The following PPM1B variants were observed in gnomAD, a reference collection of about 807,000 sequenced individuals.
PPM1B encodes the protein protein phosphatase 1B.
A neutral mutation model predicts 43.0 loss-of-function variants in PPM1B; 22 were observed. The observed-to-expected ratio is 0.51, with a 90% CI of 0.37 to 0.73. The LOEUF (loss-of-function observed/expected upper bound fraction) is 0.73, where lower values mean the gene tolerates loss of function less well. Ranked by LOEUF, PPM1B falls within the 30% of genes least tolerant of loss-of-function variation. The pLI, the probability that PPM1B is intolerant of heterozygous loss-of-function variation, is 0.00. For missense variants in PPM1B, 632 were observed against 584.2 expected, an observed-to-expected ratio of 1.08 and a Z score of -0.84; for synonymous variants, 217 against 197.9, an observed-to-expected ratio of 1.10 and a Z score of -0.81.
intron 5 of PPM1B, chr2:44,218,884 G>C (rs769121045): frequency 2.2e-6 from 1 of 464,956 alleles, no homozygotes; most frequent in Non-Finnish European, 4.3e-6. Flanking sequence ...TTCTCCTCCA[G>C]CAGGCTGCTG....
chr2:44,209,381 C>T (rs1215866784), intron 3 of PPM1B, 54 bp downstream of exon 3: 3 of 1,578,058 alleles, frequency 1.9e-6, no homozygotes, highest in Non-Finnish European at 8.6e-7. Context: ...TAGCTCATGC[C>T]TGTAATCCTA....
intron 1 of PPM1B, among the ~76,000 whole-genome samples, chr2:44,188,258 A>G (rs1418588934): frequency 6.6e-6 from 1 of 152,334 alleles, no homozygotes; most frequent in Admixed American, 6.5e-5. Context: ...TATGGAAGCC[A>G]GATGAAGTAT....
chr2:44,227,925 T>TC (rs1279150663), intron 5 of PPM1B, among the ~76,000 whole-genome samples: 58 of 142,334 alleles, frequency 4.1e-4, no homozygotes, highest in Non-Finnish European at 7.7e-4. Context: ...TTCTTTTCTT[T>TC]TTTTTTTTTT....
intron 3 of PPM1B, among the ~76,000 whole-genome samples, chr2:44,209,634 G>T (rs538069893): frequency 6.6e-6 from 1 of 151,960 alleles, no homozygotes; most frequent in Non-Finnish European, 1.5e-5. Flanking sequence ...AAAATTAGCC[G>T]GGCATGGTGG....
At chr2:44,196,670 A>G (rs753158021) in intron 1 of PPM1B, among the ~76,000 whole-genome samples, 1 of 152,150 alleles carries the variant, frequency 6.6e-6, no homozygotes, top group Non-Finnish European at 1.5e-5. Context: ...ATCCCCATTC[A>G]TTTACGTATT....
intron 2 of PPM1B, among the ~76,000 whole-genome samples, chr2:44,205,344 TGTGG>T (rs1462938457): frequency 1.7e-4 from 25 of 146,642 alleles, no homozygotes; most frequent in Admixed American, 6.7e-4. Context: ...TGGGTGTGGG[TGTGG>T]GTGTGGGTGT....
chr2:44,171,319 A>T (rs1667331646), intron 1 of PPM1B, among the ~76,000 whole-genome samples: 1 of 152,246 alleles, frequency 6.6e-6, no homozygotes, highest in South Asian at 2.1e-4. Flanking sequence ...CATCTGAAGG[A>T]ATAGTGTAGT....
chr2:44,177,325 T>C (rs1667626002), intron 1 of PPM1B, among the ~76,000 whole-genome samples: 1 of 152,130 alleles, frequency 6.6e-6, no homozygotes, highest in South Asian at 2.1e-4. Context: ...ATTAAGTCTT[T>C]GGTGGTTGCT....
chr2:44,221,187 C>T (rs1023577960), intron 5 of PPM1B, among the ~76,000 whole-genome samples: 3 of 152,192 alleles, frequency 2.0e-5, no homozygotes, highest in Non-Finnish European at 4.4e-5. Flanking sequence ...TAACTGTAGA[C>T]TTATTATCAT....
At chr2:44,190,361 G>C (rs1217108264) in intron 1 of PPM1B, among the ~76,000 whole-genome samples, 1 of 152,038 alleles carries the variant, frequency 6.6e-6, no homozygotes, top group African/African-American at 2.4e-5. Context: ...GTTTCACCAT[G>C]TTGGCCAGGC....
Position 44,182,072 on chromosome 2 carries a change from A to G in PPM1B, c.-15+12798A>G, listed in dbSNP as rs959222836. On this transcript the variant is annotated intron_variant, in intron 1 of 5. Coordinates refer to ENST00000282412, the MANE Select transcript of PPM1B (RefSeq NM_002706.6). ...TGCCACAAAGTACCTTATTTTGAGAAGCTTCTTCTTACGACTGATAGTTGG... is the reference window on the plus strand; with the variant it reads ...TGCCACAAAGTACCTTATTTTGAGAGGCTTCTTCTTACGACTGATAGTTGG... 8.5e-4 allele frequency among the ~76,000 whole-genome samples: 130 copies of G among 152,220 alleles called. 2 individuals carry two copies. Among genetic ancestry groups the G allele is most frequent in the Non-Finnish European group, 2.1e-4 (14 of 67,994 alleles).
Position 44,169,259 on chromosome 2 carries a change from C to G in PPM1B, c.-30C>G, listed in dbSNP as rs939412522. 1.3e-5 allele frequency: 2 copies of G among 153,196 alleles called. No homozygotes were observed. Among genetic ancestry groups the G allele is most frequent in the Non-Finnish European group, 1.5e-5 (1 of 68,290 alleles). The allele number at this position is 153,196 out of a possible 1,614,324, so 9.5% of individuals were successfully genotyped here. A position where few individuals can be genotyped will look rare whatever the true frequency, so the allele number is the denominator to read the frequency against. On this transcript the variant is annotated 5_prime_UTR_variant, in exon 1 of 6. Coordinates refer to ENST00000282412, the MANE Select transcript of PPM1B (RefSeq NM_002706.6). Reference sequence around the variant, plus strand: ...GAGCGAGGCGCCCTAGACATCTTCTCCCTCCCTTGCCTCAGGTAAGGCCGC... The same window carrying G: ...GAGCGAGGCGCCCTAGACATCTTCTGCCTCCCTTGCCTCAGGTAAGGCCGC...
chr2:44,195,571 C>G (rs1668623902), intron 1 of PPM1B, among the ~76,000 whole-genome samples: 1 of 152,072 alleles, frequency 6.6e-6, no homozygotes, highest in African/African-American at 2.4e-5. Flanking sequence ...GTAATTCCAG[C>G]ACTTTTGATG....
At chr2:44,232,757 T>C (rs1368006572), downstream of PPM1B, 2 of 989,986 alleles carry the variant, frequency 2.0e-6, no homozygotes, top group Admixed American at 6.1e-5. Flanking sequence ...TTGTATGATA[T>C]GTTCCTTTTT....
intron 1 of PPM1B, among the ~76,000 whole-genome samples, chr2:44,188,389 CTTTCT>C (rs994633178): frequency 5.1e-5 from 6 of 118,736 alleles, no homozygotes; most frequent in South Asian, 2.8e-4. Context: ...TTCTTTCTTT[CTTTCT>C]TTTTTTTTTT....
At chr2:44,187,271 A>G (rs933211806) in intron 1 of PPM1B, among the ~76,000 whole-genome samples, 2 of 152,166 alleles carry the variant, frequency 1.3e-5, no homozygotes, top group African/African-American at 4.8e-5. Context: ...AGAATAATTC[A>G]TTCTGTGTAT....
chr2:44,234,573 T>A, downstream of PPM1B: 1 of 985,090 alleles, frequency 1.0e-6, no homozygotes. Context: ...GGGTGGGGGT[T>A]ACTGGTGCTT....
At chr2:44,237,592 C>T (rs1293593300), downstream of PPM1B, among the ~76,000 whole-genome samples, 21 of 152,082 alleles carry the variant, frequency 1.4e-4, no homozygotes, top group Admixed American at 1.4e-3. Flanking sequence ...AAGAGCCATA[C>T]CTTTTATGGA....
chr2:44,178,550 C>G (rs759797871), intron 1 of PPM1B, among the ~76,000 whole-genome samples: 1 of 151,344 alleles, frequency 6.6e-6, no homozygotes, highest in African/African-American at 2.4e-5. Flanking sequence ...TCATTGCAAC[C>G]TCCACTTCCT....
Sources: allele counts gnomAD v4.1 joint callset (sites outside exome capture counted in the v4.1 genomes callset), GRCh38; gene constraint gnomAD v4.1.1; transcripts MANE v1.5; gene names NCBI Gene and HGNC (gene_info 2026-07-23, HGNC 2026-07-21).